PPHLN1: variants seen among roughly 807,000 people sequenced by gnomAD.
PPHLN1 encodes periphilin 1.
Under a neutral mutation model 51.3 loss-of-function variants are expected in PPHLN1, and 29 were observed. That is an observed-to-expected ratio of 0.57 (90% CI 0.42 to 0.77). The LOEUF (loss-of-function observed/expected upper bound fraction) is 0.77. Among genes scored for constraint, PPHLN1 ranks in the 30% least tolerant of loss-of-function variants. The pLI is 0.00. For missense variants in PPHLN1, 436 were observed against 438.4 expected (o/e 0.99, Z 0.05); for synonymous variants, 147 against 147.8 (o/e 0.99, Z 0.04).
rs2069341039 is a variant in PPHLN1, at chr12:42,329,375, G to C, written c.-21+3146G>C. ...CCCCCTCGGCCTCCCAAAGTGCTGG[G>C]ATTACAAGCGTGAGCCACCGCGCCC... On this transcript the variant is annotated intron_variant, in intron 1 of 9. Coordinates refer to ENST00000358314, the MANE Select transcript of PPHLN1 (RefSeq NM_201439.2). Among the ~76,000 whole-genome samples the C allele has an allele frequency of 2.0e-5, 3 of 152,240 alleles. No homozygotes were observed. The South Asian group carries it at 6.2e-4, about 32-fold the overall frequency.
At chr12:42,437,784 C>T (rs2082611511) in intron 9 of PPHLN1, among the ~76,000 whole-genome samples, 2 of 152,194 alleles carry the variant, frequency 1.3e-5, no homozygotes, top group South Asian at 4.1e-4. Flanking sequence ...TCCTACCATA[C>T]AGTCCCATAC....
chr12:42,367,127 AGTT>A (rs1344567535), intron 4 of PPHLN1, among the ~76,000 whole-genome samples: 1 of 152,324 alleles, frequency 6.6e-6, no homozygotes, highest in Admixed American at 6.5e-5. Flanking sequence ...CAACCATGAG[AGTT>A]TCTATCTCAG....
At chr12:42,368,949 G>T (rs2075542948) in intron 4 of PPHLN1, among the ~76,000 whole-genome samples, 1 of 152,166 alleles carries the variant, frequency 6.6e-6, no homozygotes, top group South Asian at 2.1e-4. Flanking sequence ...AATTGTGCTT[G>T]AAAACTTTCA....
At chr12:42,397,691 A>C (rs1337286777) in intron 8 of PPHLN1, among the ~76,000 whole-genome samples, 2 of 152,224 alleles carry the variant, frequency 1.3e-5, no homozygotes, top group East Asian at 3.9e-4. Context: ...TGCTTTTGGT[A>C]TAAGTCCCTT....
chr12:42,398,649 A>T (rs74883629), intron 8 of PPHLN1: 8 of 191,282 alleles, frequency 4.2e-5, no homozygotes, highest in Non-Finnish European at 6.2e-5. Flanking sequence ...GTTCCATATT[A>T]AAAAAAAAAA....
chr12:42,440,336 C>T (rs1796383), intron 9 of PPHLN1, among the ~76,000 whole-genome samples: 146,784 of 152,220 alleles, frequency 0.96, 71,016 homozygotes, highest in Middle Eastern at 1. Context: ...AGAAATCCTG[C>T]ATCCTGCAAC....
At chr12:42,360,302 A>C (rs1411961597) in intron 4 of PPHLN1, among the ~76,000 whole-genome samples, 1 of 150,196 alleles carries the variant, frequency 6.7e-6, no homozygotes, top group African/African-American at 2.5e-5. Context: ...CTTGATTTTT[A>C]TGGTTTAGTG....
chr12:42,333,224 A>G (rs78031851), intron 1 of PPHLN1, among the ~76,000 whole-genome samples: 1,707 of 152,304 alleles, frequency 0.011, 20 homozygotes, highest in South Asian at 0.016. Flanking sequence ...TTGTATAAAT[A>G]TAATTGATCA....
chr12:42,332,649 C>A (rs2069937084), intron 1 of PPHLN1: 2 of 1,565,852 alleles, frequency 1.3e-6, no homozygotes, highest in African/African-American at 2.7e-5. Flanking sequence ...CTGTATTTCC[C>A]CCCCTTACAG....
At chr12:42,363,454 T>A (rs1385571551) in intron 4 of PPHLN1, among the ~76,000 whole-genome samples, 1 of 151,852 alleles carries the variant, frequency 6.6e-6, no homozygotes, top group East Asian at 1.9e-4. Flanking sequence ...CTATTTTTTT[T>A]TCATTTTGTT....
chr12:42,355,358 A>G (rs2138300263), intron 4 of PPHLN1, 136 bp downstream of exon 4: 2 of 717,162 alleles, frequency 2.8e-6, no homozygotes, highest in South Asian at 3.3e-5. Context: ...CAAGCATTAT[A>G]TTCTTTTTGT....
chr12:42,351,780 T>C, intron 2 of PPHLN1, 105 bp from the exon 3 acceptor site: 2 of 821,808 alleles, frequency 2.4e-6, no homozygotes, highest in South Asian at 2.4e-5. Flanking sequence ...TTTATACATT[T>C]AGCTCATTCG....
At chr12:42,409,894 A>G (rs1189326427) in intron 9 of PPHLN1, among the ~76,000 whole-genome samples, 2 of 151,980 alleles carry the variant, frequency 1.3e-5, no homozygotes, top group African/African-American at 4.8e-5. Context: ...TGACAGTTTT[A>G]TATTGTTCTC....
rs1177645927 is a variant in PPHLN1, at chr12:42,441,391, C to CT, written c.987dup (p.Ile330TyrfsTer11). The CT allele has an allele frequency of 3.1e-6, 5 of 1,614,050 alleles. No individual in the cohort carries two copies. On this transcript the variant is annotated frameshift_variant, in exon 10 of 10. Coordinates refer to ENST00000358314, the MANE Select transcript of PPHLN1 (RefSeq NM_201439.2). LOFTEE classifies it high-confidence loss of function. ...GAAAAAGATCCTTCATTAGAAAAGT[C>CT]TATACAGTTTGCATTGAGGCAGAAT...
chr12:42,352,146 TA>T, intron 3 of PPHLN1, 97 bp downstream of exon 3: 1 of 1,103,486 alleles, frequency 9.1e-7, no homozygotes, highest in South Asian at 2.7e-5. Flanking sequence ...AGCAGTTGAA[TA>T]AACACTTTCT....
intron 1 of PPHLN1, among the ~76,000 whole-genome samples, chr12:42,329,196 G>A (rs1184824054): frequency 1.3e-5 from 2 of 151,560 alleles, no homozygotes; most frequent in Non-Finnish European, 2.9e-5. Context: ...CCCCCTCCCG[G>A]GTTCATGCCA....
intron 9 of PPHLN1, among the ~76,000 whole-genome samples, chr12:42,429,177 A>G (rs924871583): frequency 1.3e-5 from 2 of 152,134 alleles, no homozygotes; most frequent in East Asian, 3.8e-4. Flanking sequence ...TTTGCATCTT[A>G]GAAATTCTTT....
At position 42,349,849 on chromosome 12, in the gene PPHLN1, C is replaced by T. The variant is rs191999376; in HGVS notation, c.73-2036C>T. On this transcript the variant is annotated intron_variant, in intron 2 of 9. Coordinates refer to ENST00000358314, the MANE Select transcript of PPHLN1 (RefSeq NM_201439.2). ...CACAATCTGATCTCTCTTTCTTTTC[C>T]CCACATTTCCCCCTTTTCTATTTGA... 8.5e-3 allele frequency among the ~76,000 whole-genome samples: 1,299 copies of T among 152,312 alleles called. 22 individuals carry two copies. Among genetic ancestry groups the T allele is most frequent in the African/African-American group, 0.029 (1,208 of 41,566 alleles).
intron 2 of PPHLN1, among the ~76,000 whole-genome samples, chr12:42,340,303 T>G (rs907123332): frequency 7.5e-6 from 1 of 133,102 alleles, no homozygotes; most frequent in African/African-American, 2.8e-5. Context: ...GAGGGAGAGA[T>G]CCTGTCTCAA....
Sources: gnomAD v4.1 joint callset for allele counts (sites outside exome capture counted in the v4.1 genomes callset) on GRCh38, gnomAD v4.1.1 for gene constraint, MANE v1.5 for transcripts, NCBI Gene and HGNC (gene_info 2026-07-23, HGNC 2026-07-21) for gene names.